The following SORCS1 variants were observed in gnomAD, a reference collection of about 807,000 sequenced individuals.
SORCS1 encodes the protein VPS10 domain-containing receptor SorCS1.
SORCS1 carries 60 observed loss-of-function variants against 146.1 expected under a neutral mutation model. That is an observed-to-expected ratio of 0.41 (90% CI 0.33 to 0.51). The LOEUF (loss-of-function observed/expected upper bound fraction) is 0.51. Ranked by LOEUF, SORCS1 falls within the 20% of genes least tolerant of loss-of-function variation. The pLI, the probability that SORCS1 is intolerant of heterozygous loss-of-function variation, is 0.21. For missense variants in SORCS1, 1,352 were observed against 1,487.6 expected (o/e 0.91, Z 1.50); for synonymous variants, 637 against 584.0 (o/e 1.09, Z -1.31).
At chr10:107,010,076 T>C (rs1957629424) in intron 1 of SORCS1, among the ~76,000 whole-genome samples, 1 of 152,228 alleles carries the variant, frequency 6.6e-6, no homozygotes, top group East Asian at 1.9e-4. Context: ...ATCTAATCAC[T>C]GCATCAAACG....
At chr10:106,980,645 C>T (rs986281843) in intron 1 of SORCS1, among the ~76,000 whole-genome samples, 3 of 152,184 alleles carry the variant, frequency 2.0e-5, no homozygotes, top group African/African-American at 7.2e-5. Flanking sequence ...CTGTAAGTGG[C>T]CTTGCTGAGC....
intron 2 of SORCS1, among the ~76,000 whole-genome samples, chr10:106,899,377 T>C (rs75589814): frequency 6.6e-6 from 1 of 152,294 alleles, no homozygotes; most frequent in African/African-American, 2.4e-5. Flanking sequence ...TAAAGAAAGA[T>C]AAATAAGCAA....
chr10:106,876,984 T>C (rs943162755), intron 2 of SORCS1, among the ~76,000 whole-genome samples: 1 of 152,240 alleles, frequency 6.6e-6, no homozygotes, highest in Non-Finnish European at 1.5e-5. Context: ...TACTGTTTCC[T>C]TTGTAAAGTG....
At chr10:106,897,193 T>A (rs892946710) in intron 2 of SORCS1, among the ~76,000 whole-genome samples, 3 of 151,596 alleles carry the variant, frequency 2.0e-5, no homozygotes, top group Non-Finnish European at 2.9e-5. Context: ...TTTTGTTTGT[T>A]TTTTAAAGGC....
intron 5 of SORCS1, among the ~76,000 whole-genome samples, chr10:106,735,864 G>A (rs989204655): frequency 6.6e-6 from 1 of 152,138 alleles, no homozygotes; most frequent in Non-Finnish European, 1.5e-5. Context: ...TGTGGTCCTC[G>A]CTATTGAGGG....
chr10:107,141,289 T>C (rs1000606434), intron 1 of SORCS1, among the ~76,000 whole-genome samples: 1 of 152,174 alleles, frequency 6.6e-6, no homozygotes, highest in Non-Finnish European at 1.5e-5. Context: ...AGGAACTCAA[T>C]GGAGGGGAGG....
intron 1 of SORCS1, among the ~76,000 whole-genome samples, chr10:107,008,659 G>T (rs550937943): frequency 1.3e-5 from 2 of 152,316 alleles, no homozygotes; most frequent in African/African-American, 4.8e-5. Flanking sequence ...ATTTGCTTAA[G>T]TCTGGGTTAT....
At position 106,576,523 on chromosome 10, in the gene SORCS1, A is replaced by ACT. The variant is rs1844586132; in HGVS notation, c.*896_*897insAG. 6.6e-6 allele frequency: 1 copy of ACT among 152,324 alleles called. No individual in the cohort carries two copies. The highest frequency in any genetic ancestry group is 1.5e-5 in the Non-Finnish European group (1 of 68,094). 9.4% of individuals were successfully genotyped at this position (152,324 alleles called of 1,614,324 possible). On this transcript the variant is annotated 3_prime_UTR_variant, in exon 26 of 26. Transcript: ENST00000263054. The stretch of plus-strand genomic sequence containing the variant: ...TTCCTACTGCAGTTGGGGCAGGAGT[A>ACT]GGGAAAGCTGCAAGGGGAGGCAATC...
At chr10:107,144,489 C>T (rs142821381) in intron 1 of SORCS1, among the ~76,000 whole-genome samples, 221 of 152,340 alleles carry the variant, frequency 1.5e-3, no homozygotes, top group African/African-American at 5.0e-3. Context: ...TGCCTGATAT[C>T]AAAATGGTCA....
At chr10:106,626,852 A>G (rs1011110522) in intron 19 of SORCS1, among the ~76,000 whole-genome samples, 7 of 152,234 alleles carry the variant, frequency 4.6e-5, no homozygotes, top group African/African-American at 1.4e-4. Flanking sequence ...AGTACCAAAA[A>G]GCCAGGCTTA....
intron 1 of SORCS1, among the ~76,000 whole-genome samples, chr10:107,067,395 T>C (rs1222332093): frequency 6.6e-6 from 1 of 152,128 alleles, no homozygotes; most frequent in Non-Finnish European, 1.5e-5. Context: ...AAAGATCATA[T>C]TGGCCTCATA....
At chr10:106,743,501 T>G (rs529203085) in intron 5 of SORCS1, among the ~76,000 whole-genome samples, 21 of 152,314 alleles carry the variant, frequency 1.4e-4, no homozygotes, top group African/African-American at 5.1e-4. Flanking sequence ...CTCAGCTCAC[T>G]GCAACCTCCG....
At chr10:106,783,549 T>C (rs2136436020) in intron 3 of SORCS1, among the ~76,000 whole-genome samples, 1 of 152,040 alleles carries the variant, frequency 6.6e-6, no homozygotes, top group South Asian at 2.1e-4. Context: ...AAATATCTCA[T>C]AAAAATATTG....
chr10:106,580,117 G>A (rs182286049), intron 24 of SORCS1, among the ~76,000 whole-genome samples: 3 of 152,238 alleles, frequency 2.0e-5, no homozygotes, highest in Admixed American at 6.5e-5. Flanking sequence ...GTTGTCATAC[G>A]TGAGAGAAAG....
At chr10:107,025,795 T>C (rs923248569) in intron 1 of SORCS1, among the ~76,000 whole-genome samples, 5 of 152,180 alleles carry the variant, frequency 3.3e-5, no homozygotes, top group African/African-American at 1.2e-4. Flanking sequence ...GAGTCTTTTA[T>C]GGGATAAAAA....
chr10:106,842,671 C>A (rs1235600553), intron 2 of SORCS1, among the ~76,000 whole-genome samples: 4 of 152,158 alleles, frequency 2.6e-5, no homozygotes, highest in Non-Finnish European at 5.9e-5. Context: ...GGCTGGAGTG[C>A]AATGGCGTGA....
At chr10:106,707,051 G>A (rs1040488219) in intron 7 of SORCS1, among the ~76,000 whole-genome samples, 17 of 152,082 alleles carry the variant, frequency 1.1e-4, no homozygotes, top group African/African-American at 3.6e-4. Context: ...TCACATCTCT[G>A]GGCACTGAAT....
intron 5 of SORCS1, among the ~76,000 whole-genome samples, chr10:106,740,264 C>G (rs577887382): frequency 6.6e-6 from 1 of 152,098 alleles, no homozygotes; most frequent in African/African-American, 2.4e-5. Flanking sequence ...CAATTACCCC[C>G]CTAGGGTGTG....
chr10:107,001,979 C>T (rs1047004532), intron 1 of SORCS1, among the ~76,000 whole-genome samples: 8 of 152,078 alleles, frequency 5.3e-5, no homozygotes, highest in Non-Finnish European at 1.0e-4. Flanking sequence ...TGGGTTCTTA[C>T]AGTAGTAATG....
Sources: gnomAD v4.1 joint callset for allele counts (sites outside exome capture counted in the v4.1 genomes callset) on GRCh38, gnomAD v4.1.1 for gene constraint, MANE v1.5 for transcripts, NCBI Gene and HGNC (gene_info 2026-07-23, HGNC 2026-07-21) for gene names.